Variants in RUFY1 observed in about 807,000 individuals in gnomAD.
The protein encoded by RUFY1 is RUN and FYVE domain-containing protein 1.
A neutral mutation model predicts 94.6 loss-of-function variants in RUFY1; 54 were observed. That is an observed-to-expected ratio of 0.57 (90% CI 0.46 to 0.72). The LOEUF (loss-of-function observed/expected upper bound fraction) is 0.72, where lower values mean the gene tolerates loss of function less well. Ranked by LOEUF, RUFY1 falls within the 30% of genes least tolerant of loss-of-function variation. RUFY1 has a pLI of 0.00. For synonymous variants in RUFY1, 396 were observed against 347.3 expected, an observed-to-expected ratio of 1.14 and a Z score of -1.56; for missense variants, 883 against 883.9, an observed-to-expected ratio of 1.00 and a Z score of 0.01.
Position 179,559,908 on chromosome 5 carries a change from C to T in RUFY1, c.311-117C>T. 3 of 1,450,236 alleles carry T rather than the reference C, an allele frequency of 2.1e-6. No homozygotes were observed. In the South Asian group the frequency reaches 4.4e-5, roughly 21 times the overall value. The allele number at this position is 1,450,236 out of a possible 1,614,324, so 89.8% of individuals were successfully genotyped here. A position where few individuals can be genotyped will look rare whatever the true frequency, so the allele number is the denominator to read the frequency against. The stretch of plus-strand genomic sequence containing the variant: ...CCCGGTTGCCCGCCCGCCAGCACGT[C>T]CGTTCCCTAAGCAGACCGCCTGGCC... On this transcript the variant is annotated intron_variant, in intron 1 of 17. Coordinates refer to ENST00000319449, the MANE Select transcript of RUFY1 (RefSeq NM_025158.5).
At chr5:179,556,022 G>A (rs1486451770) in intron 1 of RUFY1, among the ~76,000 whole-genome samples, 1 of 151,838 alleles carries the variant, frequency 6.6e-6, no homozygotes, top group Non-Finnish European at 1.5e-5. Flanking sequence ...TAAAGTTAAC[G>A]TATAAGATTA....
chr5:179,604,884 T>C (rs966673464), intron 15 of RUFY1, among the ~76,000 whole-genome samples: 1 of 150,594 alleles, frequency 6.6e-6, no homozygotes, highest in African/African-American at 2.5e-5. Context: ...CTTGGGAAGC[T>C]GAGGCAGGAG....
At chr5:179,572,237 G>T (rs1273028867) in intron 5 of RUFY1, 1 of 285,986 alleles carries the variant, frequency 3.5e-6, no homozygotes, top group South Asian at 3.2e-5. Context: ...CTTCCAGGAG[G>T]TGAAGCTGTG....
Position 179,589,331 on chromosome 5 carries a change from T to C in RUFY1, c.1027-215T>C. On this transcript the variant is annotated intron_variant, in intron 8 of 17. Coordinates refer to ENST00000319449, the MANE Select transcript of RUFY1 (RefSeq NM_025158.5). ...GGAGAAAATCTGGAGAGGGCAGAGA[T>C]GGCTAGGGGCAAGGGCGGAGGAGAG... 1.2e-5 allele frequency: 6 copies of C among 500,120 alleles called. 1 individual carries two copies. The South Asian group carries it at 1.3e-4, about 11-fold the overall frequency. 31.0% of individuals were successfully genotyped at this position (500,120 alleles called of 1,614,324 possible). A position where few individuals can be genotyped will look rare whatever the true frequency, so the allele number is the denominator to read the frequency against.
intron 7 of RUFY1, among the ~76,000 whole-genome samples, chr5:179,585,147 A>G (rs1463965011): frequency 6.6e-6 from 1 of 152,136 alleles, no homozygotes; most frequent in Non-Finnish European, 1.5e-5. Flanking sequence ...AACAAACAAA[A>G]AACACCTTGG....
intron 1 of RUFY1, among the ~76,000 whole-genome samples, chr5:179,557,670 A>C (rs1762176398): frequency 6.6e-6 from 1 of 152,138 alleles, no homozygotes; most frequent in African/African-American, 2.4e-5. Context: ...AATGGCCATC[A>C]AGCTAATGGC....
At chr5:179,570,625 C>T (rs1235019888) in intron 5 of RUFY1, among the ~76,000 whole-genome samples, 7 of 152,124 alleles carry the variant, frequency 4.6e-5, no homozygotes, top group East Asian at 1.9e-4. Flanking sequence ...TCGGGGCATC[C>T]GCAGCTGTAG....
intron 2 of RUFY1, among the ~76,000 whole-genome samples, chr5:179,560,692 C>T (rs1230194111): frequency 7.3e-6 from 1 of 137,902 alleles, no homozygotes; most frequent in African/African-American, 2.8e-5. Flanking sequence ...CGCCACTGCA[C>T]TCCAGCTTGG....
At chr5:179,586,954 G>A (rs1425655947) in intron 8 of RUFY1, among the ~76,000 whole-genome samples, 4 of 152,214 alleles carry the variant, frequency 2.6e-5, no homozygotes, top group Non-Finnish European at 5.9e-5. Context: ...GAGCACTCGA[G>A]TTGTTTGATT....
chr5:179,572,319 C>T (rs774020084), intron 5 of RUFY1: 4 of 195,032 alleles, frequency 2.1e-5, no homozygotes, highest in Non-Finnish European at 2.3e-5. Flanking sequence ...CCATGGAGAA[C>T]GTCGCATTCA....
Position 179,550,737 on chromosome 5 carries a change from GC to G in RUFY1, c.169del (p.Arg57GlyfsTer11). The G allele has an allele frequency of 6.8e-7, 1 of 1,464,838 alleles. No individual in the cohort carries two copies. The highest frequency in any genetic ancestry group is 9.0e-7 in the Non-Finnish European group (1 of 1,110,732). 90.7% of individuals were successfully genotyped at this position (1,464,838 alleles called of 1,614,324 possible). Reference protein sequence around the residue: ...PGDLRSATRPRAAEGWSAPIL... With the variant: ...PGDLRSATRPXAAEGWSAPIL... ...GCGACCTGCGGAGCGCAACGAGGCC[GC>G]GGGCGGCCGAGGGCTGGTCGGCGCC... On this transcript the variant is annotated frameshift_variant, in exon 1 of 18. Transcript: ENST00000319449. LOFTEE classifies it high-confidence loss of function.
intron 17 of RUFY1, among the ~76,000 whole-genome samples, chr5:179,607,867 C>T (rs947969517): frequency 6.6e-6 from 1 of 152,246 alleles, no homozygotes; most frequent in African/African-American, 2.4e-5. Context: ...CTTGGCCAGT[C>T]ATAGGCCCCT....
intron 14 of RUFY1, 64 bp downstream of exon 14, chr5:179,598,885 CG>C (rs1765984551): frequency 6.3e-7 from 1 of 1,583,376 alleles, no homozygotes; most frequent in Admixed American, 1.8e-5. Context: ...TAACATGCTC[CG>C]GGCAGGCTCC....
intron 8 of RUFY1, among the ~76,000 whole-genome samples, chr5:179,586,989 C>G (rs1306419281): frequency 6.6e-6 from 1 of 152,250 alleles, no homozygotes; most frequent in African/African-American, 2.4e-5. Flanking sequence ...TTCCCTGCAT[C>G]TCAGTCAAGA....
chr5:179,588,817 G>T (rs950104762), intron 8 of RUFY1, among the ~76,000 whole-genome samples: 1 of 152,068 alleles, frequency 6.6e-6, no homozygotes, highest in African/African-American at 2.4e-5. Flanking sequence ...TGCAACCTCC[G>T]CCTCCTGGGC....
chr5:179,605,693 G>C (rs561183098), intron 15 of RUFY1, among the ~76,000 whole-genome samples, 183 bp from the exon 16 acceptor site: 1 of 152,096 alleles, frequency 6.6e-6, no homozygotes, highest in Non-Finnish European at 1.5e-5. Flanking sequence ...CAGCAGACGG[G>C]AGCCAGTGTG....
At chr5:179,596,384 T>C (rs1765640792) in intron 12 of RUFY1, 178 bp from the exon 13 acceptor site, 3 of 786,104 alleles carry the variant, frequency 3.8e-6, no homozygotes, top group Admixed American at 3.7e-5. Flanking sequence ...TGGGGAGTTT[T>C]GGGAGTGGTG....
intron 1 of RUFY1, among the ~76,000 whole-genome samples, chr5:179,551,159 A>G (rs916242782): frequency 1.3e-5 from 2 of 152,040 alleles, no homozygotes; most frequent in African/African-American, 4.8e-5. Flanking sequence ...GGGCTTCGGA[A>G]CTCTGTAGTA....
intron 17 of RUFY1, chr5:179,608,494 C>G: frequency 1.0e-6 from 1 of 985,508 alleles, no homozygotes; most frequent in Non-Finnish European, 1.2e-6. Context: ...TATCAGGCAC[C>G]CAGGGAACCT....
Sources: allele counts gnomAD v4.1 joint callset (sites outside exome capture counted in the v4.1 genomes callset), GRCh38; gene constraint gnomAD v4.1.1; transcripts MANE v1.5; gene names NCBI Gene and HGNC (gene_info 2026-07-23, HGNC 2026-07-21).